The following GSK3B variants were observed in gnomAD, a reference collection of about 807,000 sequenced individuals.
GSK3B encodes the protein glycogen synthase kinase-3 beta.
A neutral mutation model predicts 56.4 loss-of-function variants in GSK3B; 15 were observed. The observed-to-expected ratio is 0.27, with a 90% CI of 0.18 to 0.41. GSK3B has a LOEUF of 0.41. Among genes scored for constraint, GSK3B ranks in the 10% least tolerant of loss-of-function variants. The probability of loss-of-function intolerance (pLI) is 1.00; values close to 1 mark genes in which losing one functional copy is unlikely to be tolerated. For missense variants in GSK3B, 300 were observed against 513.4 expected (o/e 0.58, Z 4.02); for synonymous variants, 181 against 188.9 (o/e 0.96, Z 0.34).
chr3:119,898,784 C>G (rs2056596943), intron 7 of GSK3B, among the ~76,000 whole-genome samples: 1 of 151,964 alleles, frequency 6.6e-6, no homozygotes, highest in Non-Finnish European at 1.5e-5. Context: ...CTATGTTTTT[C>G]CTATACATAC....
chr3:119,902,807 CG>C (rs1433754855), intron 7 of GSK3B, among the ~76,000 whole-genome samples: 1 of 152,210 alleles, frequency 6.6e-6, no homozygotes, highest in African/African-American at 2.4e-5. Context: ...ATTTGTCTCC[CG>C]GGCTGAAGCT....
chr3:120,002,587 C>T (rs1442571471), intron 1 of GSK3B, among the ~76,000 whole-genome samples: 2 of 152,176 alleles, frequency 1.3e-5, no homozygotes, highest in East Asian at 3.9e-4. Context: ...GATCCGCCCT[C>T]CTTGGCCTCC....
intron 1 of GSK3B, among the ~76,000 whole-genome samples, chr3:120,036,869 A>AAAT (rs1458077913): frequency 4.6e-5 from 7 of 152,130 alleles, no homozygotes; most frequent in Non-Finnish European, 7.4e-5. Context: ...ACAGATATCA[A>AAAT]AATAATATGC....
intron 4 of GSK3B, among the ~76,000 whole-genome samples, chr3:119,922,631 C>A (rs900732840): frequency 1.3e-5 from 2 of 151,354 alleles, no homozygotes; most frequent in Admixed American, 6.6e-5. Flanking sequence ...AAATTTTTAA[C>A]AAGACTTCAA....
chr3:119,838,116 C>T lies in GSK3B; in HGVS notation c.1195+5139G>A, dbSNP rs182892681. On this transcript the variant is annotated intron_variant, in intron 10 of 10. Transcript: ENST00000264235. ...CAGCCTGGCCAACAAAGTGAAACCC[C>T]GTCTGTACTAAAATTGCAAAAAATT... is the stretch of plus-strand genomic sequence containing the variant. 6.8e-4 allele frequency among the ~76,000 whole-genome samples: 103 copies of T among 151,630 alleles called. 1 individual carries two copies. The highest frequency in any genetic ancestry group is 3.4e-3 in the Middle Eastern group (1 of 294).
At chr3:120,091,211 G>C (rs1240367693) in intron 1 of GSK3B, among the ~76,000 whole-genome samples, 1 of 152,112 alleles carries the variant, frequency 6.6e-6, no homozygotes, top group Admixed American at 6.5e-5. Context: ...AAGCTTTTGA[G>C]AGCAAGGACT....
chr3:119,891,464 T>C (rs2056501281), intron 7 of GSK3B, among the ~76,000 whole-genome samples: 1 of 152,156 alleles, frequency 6.6e-6, no homozygotes, highest in Non-Finnish European at 1.5e-5. Flanking sequence ...TATTTCTACC[T>C]GATTTACTCC....
chr3:119,976,235 G>C (rs2057407529), intron 2 of GSK3B, among the ~76,000 whole-genome samples: 1 of 152,064 alleles, frequency 6.6e-6, no homozygotes, highest in African/African-American at 2.4e-5. Flanking sequence ...ACACACTAAA[G>C]AGAAATGAAA....
intron 1 of GSK3B, among the ~76,000 whole-genome samples, chr3:120,067,425 C>G (rs757397472): frequency 2.6e-5 from 4 of 152,102 alleles, no homozygotes; most frequent in Non-Finnish European, 4.4e-5. Context: ...GCCTAGCCTA[C>G]CTTAAACATG....
At chr3:119,957,700 A>G (rs1349896521) in intron 2 of GSK3B, among the ~76,000 whole-genome samples, 3 of 152,238 alleles carry the variant, frequency 2.0e-5, no homozygotes, top group Non-Finnish European at 4.4e-5. Flanking sequence ...AAACCTATCA[A>G]GTAAGCAACA....
At chr3:119,916,211 A>G in intron 4 of GSK3B, 37 bp from the exon 5 acceptor site, 1 of 1,531,724 alleles carries the variant, frequency 6.5e-7, no homozygotes, top group Admixed American at 1.7e-5. Flanking sequence ...AATACTTCCT[A>G]TTCTAAACAA....
chr3:120,013,994 AC>A (rs1396373586), intron 1 of GSK3B, among the ~76,000 whole-genome samples: 3 of 151,586 alleles, frequency 2.0e-5, no homozygotes, highest in Non-Finnish European at 4.4e-5. Context: ...ACATGGCGAA[AC>A]CCCGTCTCTA....
Position 120,003,301 on chromosome 3 carries a change from C to T in GSK3B, c.89-1062G>A, listed in dbSNP as rs1188844264. 3.3e-5 allele frequency among the ~76,000 whole-genome samples: 5 copies of T among 152,128 alleles called. No individual in the cohort carries two copies. The East Asian group carries it at 7.7e-4, about 23-fold the overall frequency. On this transcript the variant is annotated intron_variant, in intron 1 of 10. Transcript: ENST00000264235. ...CACCTCCTACTTCACTAGGGATAGTCCACAGTCACCATCTTGTTTTCTGAA... is the reference window on the plus strand; with the variant it reads ...CACCTCCTACTTCACTAGGGATAGTTCACAGTCACCATCTTGTTTTCTGAA...
At chr3:120,022,311 T>C (rs759438238) in intron 1 of GSK3B, among the ~76,000 whole-genome samples, 2 of 152,260 alleles carry the variant, frequency 1.3e-5, no homozygotes, top group Non-Finnish European at 2.9e-5. Flanking sequence ...ATAATGCTAC[T>C]GCACTTTATA....
intron 3 of GSK3B, among the ~76,000 whole-genome samples, chr3:119,946,758 G>A (rs9881985): frequency 0.018 from 2,751 of 152,232 alleles, 91 homozygotes; most frequent in African/African-American, 0.063. Context: ...GTCAGACATA[G>A]GGATCACTTA....
chr3:119,865,102 T>C (rs993701675), intron 8 of GSK3B, among the ~76,000 whole-genome samples: 1 of 152,136 alleles, frequency 6.6e-6, no homozygotes, highest in African/African-American at 2.4e-5. Context: ...CATAATCATA[T>C]ACAGAATGTA....
chr3:119,980,707 G>GT (rs2057452372), intron 2 of GSK3B, among the ~76,000 whole-genome samples: 1 of 152,114 alleles, frequency 6.6e-6, no homozygotes, highest in African/African-American at 2.4e-5. Flanking sequence ...GAAGATAGCT[G>GT]TATCTTAAAC....
chr3:119,901,188 C>G (rs781747680), intron 7 of GSK3B, among the ~76,000 whole-genome samples: 29 of 151,990 alleles, frequency 1.9e-4, no homozygotes, highest in Non-Finnish European at 3.1e-4. Context: ...GTATCTGGAA[C>G]TATATCATAT....
intron 2 of GSK3B, among the ~76,000 whole-genome samples, chr3:119,990,227 G>A (rs1455296757): frequency 6.6e-6 from 1 of 151,498 alleles, no homozygotes; most frequent in Non-Finnish European, 1.5e-5. Context: ...TGGCCGGAAA[G>A]ATGTCTGCCC....
Sources: gnomAD v4.1 joint callset for allele counts (sites outside exome capture counted in the v4.1 genomes callset) on GRCh38, gnomAD v4.1.1 for gene constraint, MANE v1.5 for transcripts, NCBI Gene and HGNC (gene_info 2026-07-23, HGNC 2026-07-21) for gene names.